Variants in PYM1 observed in about 807,000 individuals in gnomAD.
PYM1 encodes the protein PYM1 exon junction complex associated factor, also known as partner of Y14 and mago.
PYM1 carries 7 observed loss-of-function variants against 20.7 expected under a neutral mutation model. The observed-to-expected ratio is 0.34, with a 90% CI of 0.19 to 0.64. The LOEUF (loss-of-function observed/expected upper bound fraction) is 0.64. PYM1 is among the 30% of genes least tolerant of loss of function. The probability of loss-of-function intolerance (pLI) is 0.74; values close to 1 mark genes in which losing one functional copy is unlikely to be tolerated. For missense variants in PYM1, 194 were observed against 250.0 expected, an observed-to-expected ratio of 0.78 and a Z score of 1.51; for synonymous variants, 100 against 99.2, an observed-to-expected ratio of 1.01 and a Z score of -0.05.
At chr12:55,924,523 A>C (rs1565719116) in intron 1 of PYM1, among the ~76,000 whole-genome samples, 1 of 152,156 alleles carries the variant, frequency 6.6e-6, no homozygotes, top group African/African-American at 2.4e-5. Context: ...GGCTGTGAAG[A>C]AAAAGGAAAC....
intron 1 of PYM1, among the ~76,000 whole-genome samples, chr12:55,905,803 A>G (rs1203689690): frequency 7.6e-6 from 1 of 131,184 alleles, no homozygotes; most frequent in Admixed American, 8.8e-5. Context: ...TATAAAATAA[A>G]TAAGTTTTCA....
At chr12:55,905,934 A>AGATATATATATTATATATATCTAT (rs1565714530) in intron 1 of PYM1, among the ~76,000 whole-genome samples, 1 of 70,238 alleles carries the variant, frequency 1.4e-5, no homozygotes, top group Non-Finnish European at 2.6e-5. Context: ...TATATATCTA[A>AGATATATATATTATATATATCTAT]TAGATATATA....
chr12:55,920,546 G>C (rs1206761014), intron 1 of PYM1, among the ~76,000 whole-genome samples: 1 of 151,286 alleles, frequency 6.6e-6, no homozygotes, highest in Admixed American at 6.6e-5. Flanking sequence ...GCTGAGGCAG[G>C]AGAATCACTT....
rs1169391050 is a variant in PYM1, at chr12:55,905,908, G to T, written c.38-2428C>A. On this transcript the variant is annotated intron_variant, in intron 1 of 2. Coordinates refer to ENST00000408946, the MANE Select transcript of PYM1 (RefSeq NM_032345.3). ...TATATATTATTATATATATCTAATAGATATATATATTATTATATATATCTA... is the reference window on the plus strand; with the variant it reads ...TATATATTATTATATATATCTAATATATATATATATTATTATATATATCTA... Among the ~76,000 whole-genome samples, 2 of 105,746 alleles carry T rather than the reference G, an allele frequency of 1.9e-5. 1 individual carries two copies. The highest frequency in any genetic ancestry group is 7.9e-5 in the African/African-American group (2 of 25,214). 69.4% of individuals were successfully genotyped at this position (105,746 alleles called of 152,430 possible). A position where few individuals can be genotyped will look rare whatever the true frequency, so the allele number is the denominator to read the frequency against.
At chr12:55,906,876 G>T (rs549122167) in intron 1 of PYM1, among the ~76,000 whole-genome samples, 3 of 151,822 alleles carry the variant, frequency 2.0e-5, no homozygotes, top group Non-Finnish European at 4.4e-5. Context: ...GCAAACTCCC[G>T]ACCTCAGGTG....
At position 55,907,485 on chromosome 12, in the gene PYM1, T is replaced by A. The variant is rs759168977; in HGVS notation, c.38-4005A>T. ...ATACAAAAAAAAAAAAAAAAAAAAATTAGCCGGGCACGGCGGCATGCGCTT... is the reference window on the plus strand; with the variant it reads ...ATACAAAAAAAAAAAAAAAAAAAAAATAGCCGGGCACGGCGGCATGCGCTT... On this transcript the variant is annotated intron_variant, in intron 1 of 2. Coordinates refer to ENST00000408946, the MANE Select transcript of PYM1 (RefSeq NM_032345.3). Among the ~76,000 whole-genome samples, 436 of 139,496 alleles carry A rather than the reference T, an allele frequency of 3.1e-3. 1 individual carries two copies. The highest frequency in any genetic ancestry group is 4.2e-3 in the Non-Finnish European group (275 of 65,268). The allele number at this position is 139,496 out of a possible 152,430, so 91.5% of individuals were successfully genotyped here.
chr12:55,912,579 C>T (rs564101763), intron 1 of PYM1, among the ~76,000 whole-genome samples: 2 of 150,542 alleles, frequency 1.3e-5, no homozygotes, highest in Admixed American at 6.6e-5. Context: ...AGCAAAACTC[C>T]GCAAGAGGGG....
intron 1 of PYM1, among the ~76,000 whole-genome samples, chr12:55,914,574 G>T (rs1284764522): frequency 6.6e-6 from 1 of 152,178 alleles, no homozygotes; most frequent in Admixed American, 6.6e-5. Flanking sequence ...GTTTCCAGGG[G>T]TTGCAGGTAG....
chr12:55,905,029 T>C (rs1882768392), intron 1 of PYM1, among the ~76,000 whole-genome samples: 1 of 151,536 alleles, frequency 6.6e-6, no homozygotes, highest in African/African-American at 2.4e-5. Flanking sequence ...TGAGACAGAG[T>C]CTCGCTCTGT....
At chr12:55,907,665 G>A (rs935014844) in intron 1 of PYM1, among the ~76,000 whole-genome samples, 2 of 146,740 alleles carry the variant, frequency 1.4e-5, no homozygotes, top group African/African-American at 2.5e-5. Flanking sequence ...GAGGCCAGGC[G>A]CAGTGGTGCA....
At chr12:55,907,436 A>C (rs1466347357) in intron 1 of PYM1, among the ~76,000 whole-genome samples, 1 of 144,556 alleles carries the variant, frequency 6.9e-6, no homozygotes, top group Non-Finnish European at 1.5e-5. Flanking sequence ...CTGTCTCTAC[A>C]TACAAAACCC....
At chr12:55,905,556 GCT>G in intron 1 of PYM1, among the ~76,000 whole-genome samples, 1 of 149,600 alleles carries the variant, frequency 6.7e-6, no homozygotes, top group Admixed American at 6.8e-5. Flanking sequence ...ACAAAAATTA[GCT>G]GGGCGTGGTG....
At chr12:55,927,278 T>A in intron 1 of PYM1, 1 of 1,017,456 alleles carries the variant, frequency 9.8e-7, no homozygotes, top group Non-Finnish European at 1.5e-6. Flanking sequence ...CTGAAATAGT[T>A]AATAAAATAA....
chr12:55,910,305 G>C (rs907372959), intron 1 of PYM1, among the ~76,000 whole-genome samples: 4 of 149,258 alleles, frequency 2.7e-5, no homozygotes, highest in Middle Eastern at 3.5e-3. Context: ...TTTTGAGACG[G>C]AATCTCACTC....
chr12:55,927,204 T>C (rs763107514), intron 1 of PYM1: 2 of 1,523,402 alleles, frequency 1.3e-6, no homozygotes, highest in Middle Eastern at 1.7e-4. Flanking sequence ...GCCACCATCT[T>C]AGTCTTAAAG....
At chr12:55,920,416 T>A (rs1224105286) in intron 1 of PYM1, among the ~76,000 whole-genome samples, 1 of 151,834 alleles carries the variant, frequency 6.6e-6, no homozygotes, top group Non-Finnish European at 1.5e-5. Flanking sequence ...AGGTGGGCGA[T>A]CCTTTGAGGC....
At chr12:55,922,900 C>G (rs1049503036) in intron 1 of PYM1, among the ~76,000 whole-genome samples, 5 of 152,018 alleles carry the variant, frequency 3.3e-5, no homozygotes, top group Non-Finnish European at 5.9e-5. Flanking sequence ...TTATGTAGTA[C>G]CCTGGATAAG....
chr12:55,909,045 G>A (rs1211519245), intron 1 of PYM1, among the ~76,000 whole-genome samples: 1 of 152,030 alleles, frequency 6.6e-6, no homozygotes, highest in Non-Finnish European at 1.5e-5. Context: ...GTTCATGTTA[G>A]GGAATAGGAA....
Position 55,901,876 on chromosome 12 carries a change from A to G in PYM1, c.611T>C (p.Leu204Pro). 1 of 1,603,870 alleles carries G rather than the reference A, an allele frequency of 6.2e-7. No homozygotes were observed. The highest frequency in any genetic ancestry group is 1.1e-5 in the South Asian group (1 of 90,278). The change falls in exon 3 of 3, where the codon CTC becomes CCC. Residue 204 changes from leucine (L) to proline (P), a missense_variant. Leu to Pro is a moderately conservative substitution (Grantham distance 98). Around this residue, in one of 3 missense-constraint regions of PYM1, gnomAD observed 158 missense variants for 179.0 expected, o/e 0.88. Coordinates refer to ENST00000408946, the MANE Select transcript of PYM1 (RefSeq NM_032345.3). ...EEELEDLELGL is the reference protein window; with the variant it reads ...EEELEDLELGP ...ATTCCCTATTCCCCAAAGGCCTCAG[A>G]GGCCTAACTCCAAGTCCTCTAACTC...
Sources: allele counts gnomAD v4.1 joint callset (sites outside exome capture counted in the v4.1 genomes callset), GRCh38; gene constraint gnomAD v4.1.1; regional missense constraint gnomAD v4.1.1; transcripts MANE v1.5; gene names NCBI Gene and HGNC (gene_info 2026-07-23, HGNC 2026-07-21).